Variants in GNRH1 observed in about 807,000 individuals in gnomAD.
GNRH1 encodes the protein progonadoliberin-1.
GNRH1 carries 9 observed loss-of-function variants against 13.6 expected under a neutral mutation model. The observed-to-expected ratio is 0.66, with a 90% CI of 0.40 to 1.15. GNRH1 has a LOEUF of 1.15. Among genes scored for constraint, GNRH1 ranks in the 50% most tolerant of loss-of-function variants. The pLI, the probability that GNRH1 is intolerant of heterozygous loss-of-function variation, is 0.01. For missense variants in GNRH1, 116 were observed against 110.8 expected (o/e 1.05, Z -0.21); for synonymous variants, 44 against 40.1 (o/e 1.10, Z -0.37).
intron 3 of GNRH1, among the ~76,000 whole-genome samples, chr8:25,420,264 AT>A (rs949583839): frequency 1.3e-5 from 2 of 151,998 alleles, no homozygotes; most frequent in Non-Finnish European, 2.9e-5. Flanking sequence ...AAATACAAAA[AT>A]TAGTCCAGTG....
In GNRH1 at chr8:25,423,489, C is replaced by T. The variant is rs1791402021; in HGVS notation, c.-1-158G>A. ...ATACAGACACTGAAACTCAGAGACA[C>T]TTGCTGGCTTGCCTTTAGTTTCTTA... On this transcript the variant is annotated intron_variant, in intron 1 of 3. Coordinates refer to ENST00000421054, the MANE Select transcript of GNRH1 (RefSeq NM_001083111.2). 3 of 666,758 alleles carry T rather than the reference C, an allele frequency of 4.5e-6. No homozygotes were observed. In the Admixed American group the frequency reaches 7.4e-5, roughly 16 times the overall value. The allele number at this position is 666,758 out of a possible 1,614,324, so 41.3% of individuals were successfully genotyped here.
chr8:25,421,624 T>C lies in GNRH1; in HGVS notation c.186A>G (p.Glu62=), dbSNP rs1327040402. ...GAGAACGTGGCTGGTGCGTGGTGCA[T>C]TCGAAGCGTTGGGTTTCTGCCAGTT... is the stretch of plus-strand genomic sequence containing the variant. ...VGQLAETQRF[E]CTTHQPRSPL... is the part of the protein sequence containing the mutation. Residue 62 remains glutamate (E), a synonymous_variant, in exon 3 of 4, where the codon GAA becomes GAG. Transcript: ENST00000421054. 5 of 1,607,360 alleles carry C rather than the reference T, an allele frequency of 3.1e-6. No homozygotes were observed. Among genetic ancestry groups the C allele is most frequent in the East Asian group, 2.2e-5 (1 of 44,864 alleles).
Position 25,423,298 on chromosome 8 carries a change from A to C in GNRH1, c.33T>G (p.Leu11=). MKPIQKLLAG[L]ILLTWCVEGC... is the part of the protein sequence containing the mutation. ...CTTCCACGCACCAAGTCAGTAGAAT[A>C]AGGCCAGCTAGGAGTTTTTGAATTG... Residue 11 remains leucine (L), a synonymous_variant, in exon 2 of 4, where the codon CTT becomes CTG. Transcript: ENST00000421054. The C allele has an allele frequency of 6.2e-7, 1 of 1,612,406 alleles. No individual in the cohort carries two copies. The highest frequency in any genetic ancestry group is 1.1e-5 in the South Asian group (1 of 91,042).
intron 3 of GNRH1, among the ~76,000 whole-genome samples, chr8:25,421,139 T>TC (rs777904640): frequency 1.1e-3 from 161 of 152,232 alleles, no homozygotes; most frequent in African/African-American, 3.5e-3. Flanking sequence ...ATGTCTCTAT[T>TC]CCCCAAGGTT....
chr8:25,421,719 G>A, intron 2 of GNRH1, 51 bp from the exon 3 acceptor site: 2 of 818,948 alleles, frequency 2.4e-6, no homozygotes, highest in Admixed American at 2.0e-5. Context: ...AAATGAAATG[G>A]TGTTTTCCAT....
chr8:25,423,410 C>T (rs531950228), intron 1 of GNRH1, 79 bp from the exon 2 acceptor site: 2 of 1,264,904 alleles, frequency 1.6e-6, no homozygotes, highest in African/African-American at 1.5e-5. Flanking sequence ...AGTGAAAAAG[C>T]TAGCATCTGT....
rs1223801793 is a variant in GNRH1 at position 25,423,191 on chromosome 8, T to A, written c.140A>T (p.Glu47Val). 6.2e-7 allele frequency: 1 copy of A among 1,607,688 alleles called. No individual in the cohort carries two copies. The highest frequency in any genetic ancestry group is 8.5e-7 in the Non-Finnish European group (1 of 1,174,134). Residue 47 changes from glutamate to valine, a missense_variant and splice_region_variant, in exon 2 of 4, where the codon GAG (glutamate) becomes GTG (valine). Transcript: ENST00000421054. ...ATTTTGAAGCTGAGAGAAACTTACC[T>A]CTTGGAAAGAATCAATCAAATTTTC... Reference protein sequence around the residue: ...DAENLIDSFQEIVKEVGQLAE... With the variant: ...DAENLIDSFQVIVKEVGQLAE...
At chr8:25,423,667 T>C (rs1038872586) in intron 1 of GNRH1, 3 of 315,296 alleles carry the variant, frequency 9.5e-6, no homozygotes, top group Non-Finnish European at 1.8e-5. Context: ...TTTCCCCTGT[T>C]GTGGATTGGT....
upstream of GNRH1, chr8:25,424,299 T>C (rs1801814476): frequency 2.0e-5 from 3 of 152,060 alleles, no homozygotes; most frequent in South Asian, 6.2e-4. Context: ...TTATAGGGAA[T>C]TTTTCCAGGA....
upstream of GNRH1, among the ~76,000 whole-genome samples, chr8:25,424,816 A>G (rs1451194562): frequency 6.6e-6 from 1 of 152,190 alleles, no homozygotes. Flanking sequence ...AGGATCCTAA[A>G]TCAGACAGTT....
chr8:25,423,133 A>C, intron 2 of GNRH1, 57 bp downstream of exon 2: 1 of 1,238,608 alleles, frequency 8.1e-7, no homozygotes, highest in South Asian at 1.2e-5. Context: ...TGAATGTTTA[A>C]TATAGTTAAA....
chr8:25,423,324 G>T lies in GNRH1; in HGVS notation c.7C>A (p.Pro3Thr), dbSNP rs1801800928. Residue 3 changes from proline to threonine, a missense_variant, in exon 2 of 4, where the codon CCA (proline) becomes ACA (threonine). Pro to Thr is a conservative substitution (Grantham distance 38). Coordinates refer to ENST00000421054, the MANE Select transcript of GNRH1 (RefSeq NM_001083111.2). The part of the protein sequence containing the change: MK[P>T]IQKLLAGLIL... ...AGGCCAGCTAGGAGTTTTTGAATTGGCTTCATTCTAAGGCACATGAATGCA... is the reference window on the plus strand; with the variant it reads ...AGGCCAGCTAGGAGTTTTTGAATTGTCTTCATTCTAAGGCACATGAATGCA... 2 of 1,612,658 alleles carry T rather than the reference G, an allele frequency of 1.2e-6. No homozygotes were observed. The highest frequency in any genetic ancestry group is 1.7e-6 in the Non-Finnish European group (2 of 1,178,760).
chr8:25,423,007 T>C (rs1403639178), intron 2 of GNRH1, among the ~76,000 whole-genome samples, 183 bp downstream of exon 2: 1 of 152,224 alleles, frequency 6.6e-6, no homozygotes, highest in Non-Finnish European at 1.5e-5. Context: ...TTCCAGCTCT[T>C]TGTTTAGTCC....
chr8:25,421,236 G>A (rs1222164093), intron 3 of GNRH1, among the ~76,000 whole-genome samples: 3 of 152,128 alleles, frequency 2.0e-5, no homozygotes, highest in African/African-American at 7.2e-5. Context: ...TAGGGGGTTT[G>A]GTGATTTTAC....
chr8:25,421,526 C>T, intron 3 of GNRH1, 47 bp downstream of exon 3: 1 of 998,120 alleles, frequency 1.0e-6, no homozygotes, highest in South Asian at 1.3e-5. Context: ...GGCTTATCCA[C>T]CTCTAGAGCT....
upstream of GNRH1, chr8:25,424,285 C>G (rs1454355241): frequency 6.6e-6 from 1 of 151,454 alleles, no homozygotes; most frequent in Non-Finnish European, 1.5e-5. Context: ...TCCTATCTTC[C>G]TTTTTATAGG....
At chr8:25,422,605 C>T (rs1472828586) in intron 2 of GNRH1, among the ~76,000 whole-genome samples, 1 of 152,088 alleles carries the variant, frequency 6.6e-6, no homozygotes, top group Non-Finnish European at 1.5e-5. Flanking sequence ...TGGTGCCAGT[C>T]CTATAATCTA....
chr8:25,423,386 T>C, intron 1 of GNRH1, 55 bp from the exon 2 acceptor site: 1 of 1,484,100 alleles, frequency 6.7e-7, no homozygotes, highest in Non-Finnish European at 9.4e-7. Flanking sequence ...GAGTATAAAC[T>C]AAAAGACCTC....
rs145641772 is a variant in GNRH1, at chr8:25,419,732, G to T, written c.238-272C>A. On this transcript the variant is annotated intron_variant, in intron 3 of 3. Transcript: ENST00000421054. ...CACCTTCCAGGTTCAAATGATTCTC[G>T]TGCCTCAGCCTCTCTAGTAGTTGGG... Among the ~76,000 whole-genome samples the T allele has an allele frequency of 9.7e-4, 146 of 151,220 alleles. 2 individuals carry two copies. Among genetic ancestry groups the T allele is most frequent in the African/African-American group, 3.3e-3 (135 of 41,174 alleles).
Sources: allele counts gnomAD v4.1 joint callset (sites outside exome capture counted in the v4.1 genomes callset), GRCh38; gene constraint gnomAD v4.1.1; transcripts MANE v1.5; gene names NCBI Gene and HGNC (gene_info 2026-07-23, HGNC 2026-07-21).